Variants in MLLT10 observed in about 807,000 individuals in gnomAD.
MLLT10 encodes MLLT10 histone lysine methyltransferase DOT1L cofactor.
In MLLT10, 30 loss-of-function variants were observed where a neutral mutation model predicts 129.1. The observed-to-expected ratio is 0.23, with a 90% confidence interval of 0.17 to 0.32. The LOEUF is 0.32. Among genes scored for constraint, MLLT10 ranks in the 10% least tolerant of loss-of-function variants. MLLT10 has a pLI of 1.00. For synonymous variants in MLLT10, 490 were observed against 446.4 expected (o/e 1.10, Z -1.23); for missense variants, 1,119 against 1,268.3 (o/e 0.88, Z 1.79).
At chr10:21,716,518 C>A (rs1052542649) in intron 14 of MLLT10, among the ~76,000 whole-genome samples, 9 of 151,956 alleles carry the variant, frequency 5.9e-5, no homozygotes, top group African/African-American at 2.2e-4. Context: ...CATGGCGAAA[C>A]CCTGTCTCTA....
chr10:21,717,619 C>CTTCCTCCTCCTCCTCCTCCTT (rs1452080931), intron 14 of MLLT10, among the ~76,000 whole-genome samples: 10 of 136,302 alleles, frequency 7.3e-5, no homozygotes, highest in African/African-American at 2.5e-4. Flanking sequence ...TCTTCCTCCT[C>CTTCCTCCTCCTCCTCCTCCTT]TTCCTCCTCC....
At chr10:21,696,601 C>T (rs1368165193) in intron 13 of MLLT10, among the ~76,000 whole-genome samples, 2 of 152,108 alleles carry the variant, frequency 1.3e-5, no homozygotes, top group Admixed American at 1.3e-4. Context: ...GAAACATCTT[C>T]TATTTTAATG....
intron 4 of MLLT10, among the ~76,000 whole-genome samples, chr10:21,591,927 G>A (rs1305307920): frequency 2.6e-5 from 4 of 151,958 alleles, no homozygotes; most frequent in African/African-American, 7.3e-5. Context: ...CACTATATTG[G>A]CCAGGCTGGT....
intron 8 of MLLT10, among the ~76,000 whole-genome samples, chr10:21,622,679 C>G (rs1431993174): frequency 1.3e-5 from 2 of 152,168 alleles, no homozygotes; most frequent in Non-Finnish European, 2.9e-5. Flanking sequence ...AAGCATGCTG[C>G]TGTTCTATAA....
chr10:21,704,016 G>GTTTTTTTTTTTTTTTTTTTTT lies in MLLT10; in HGVS notation c.1700-9753_1700-9733dup, dbSNP rs60982595. ...ACATTTTGGATTTCGATTGTTTTTT[G>GTTTTTTTTTTTTTTTTTTTTT]TTTTTTTTTTTTTTTTTTTTTTTGA... is the stretch of plus-strand genomic sequence containing the variant. On this transcript the variant is annotated intron_variant, in intron 13 of 22. Coordinates refer to ENST00000307729, the MANE Select transcript of MLLT10 (RefSeq NM_001195626.3). 1.6e-4 allele frequency among the ~76,000 whole-genome samples: 9 copies of GTTTTTTTTTTTTTTTTTTTTT among 56,634 alleles called. 1 individual carries two copies. Among genetic ancestry groups the GTTTTTTTTTTTTTTTTTTTTT allele is most frequent in the East Asian group, 6.1e-4 (1 of 1,644 alleles). 37.2% of individuals were successfully genotyped at this position (56,634 alleles called of 152,430 possible).
chr10:21,634,100 T>G (rs1173437920), intron 8 of MLLT10, among the ~76,000 whole-genome samples: 1 of 151,988 alleles, frequency 6.6e-6, no homozygotes, highest in Non-Finnish European at 1.5e-5. Context: ...ACTAGCCGAG[T>G]GACGTGGCTC....
chr10:21,628,244 G>C (rs1358405779), intron 8 of MLLT10, among the ~76,000 whole-genome samples: 1 of 152,058 alleles, frequency 6.6e-6, no homozygotes, highest in Non-Finnish European at 1.5e-5. Flanking sequence ...GTAAATCTGT[G>C]TTAGTTAACT....
intron 8 of MLLT10, chr10:21,626,379 A>G: frequency 3.1e-6 from 2 of 635,780 alleles, no homozygotes; most frequent in Non-Finnish European, 5.6e-6. Context: ...CCACCCCCCA[A>G]GTCTATGATT....
At chr10:21,624,934 G>T (rs1390174871) in intron 8 of MLLT10, 3 of 1,311,300 alleles carry the variant, frequency 2.3e-6, no homozygotes, top group East Asian at 4.7e-5. Flanking sequence ...CTTGGAGGTG[G>T]TGCTCCCCTC....
At chr10:21,542,841 A>G (rs2035423135) in intron 3 of MLLT10, among the ~76,000 whole-genome samples, 1 of 152,236 alleles carries the variant, frequency 6.6e-6, no homozygotes, top group Non-Finnish European at 1.5e-5. Context: ...AGCTATAGTC[A>G]CACTACTGCA....
intron 9 of MLLT10, chr10:21,668,958 G>A: frequency 7.5e-7 from 1 of 1,335,886 alleles, no homozygotes; most frequent in Non-Finnish European, 9.8e-7. Flanking sequence ...AGAACCTCAG[G>A]ATCAACTCAA....
intron 14 of MLLT10, 72 bp from the exon 15 acceptor site, chr10:21,726,172 T>TCTATTAGAAGGGAAAA (rs2057495215): frequency 1.0e-6 from 1 of 986,846 alleles, no homozygotes; most frequent in South Asian, 1.8e-5. Flanking sequence ...AATTACTAGA[T>TCTATTAGAAGGGAAAA]CTATTAGAAG....
intron 3 of MLLT10, among the ~76,000 whole-genome samples, chr10:21,543,646 G>C (rs1399165791): frequency 1.3e-5 from 2 of 151,644 alleles, no homozygotes; most frequent in African/African-American, 4.8e-5. Flanking sequence ...GCCCAGCTAA[G>C]TTTTGTATTT....
intron 8 of MLLT10, among the ~76,000 whole-genome samples, chr10:21,633,039 A>G (rs1255880004): frequency 6.6e-6 from 1 of 152,222 alleles, no homozygotes; most frequent in Non-Finnish European, 1.5e-5. Flanking sequence ...AGATGTGTAT[A>G]TGATTGTTCA....
At chr10:21,738,567 A>AT (rs1351377907) in intron 21 of MLLT10, 132 of 1,266,072 alleles carry the variant, frequency 1.0e-4, no homozygotes, top group Non-Finnish European at 1.3e-4. Flanking sequence ...GTAGGTGAGG[A>AT]TTTTTTGGAA....
At chr10:21,570,081 G>C (rs1308596571) in intron 3 of MLLT10, among the ~76,000 whole-genome samples, 1 of 151,796 alleles carries the variant, frequency 6.6e-6, no homozygotes, top group Non-Finnish European at 1.5e-5. Flanking sequence ...AGCTAATTTT[G>C]TATTTTCAGT....
At chr10:21,675,929 A>C (rs1263679092) in intron 11 of MLLT10, among the ~76,000 whole-genome samples, 1 of 152,114 alleles carries the variant, frequency 6.6e-6, no homozygotes, top group African/African-American at 2.4e-5. Context: ...GTTAGGTGTG[A>C]GGAATAGTGT....
At chr10:21,563,739 A>AT (rs2039157386) in intron 3 of MLLT10, among the ~76,000 whole-genome samples, 1 of 151,912 alleles carries the variant, frequency 6.6e-6, no homozygotes, top group Non-Finnish European at 1.5e-5. Flanking sequence ...TCATGTGAGC[A>AT]TAAGTCTTCA....
intron 5 of MLLT10, among the ~76,000 whole-genome samples, chr10:21,601,582 G>A (rs2043536941): frequency 6.6e-6 from 1 of 152,156 alleles, no homozygotes; most frequent in Admixed American, 6.5e-5. Context: ...GTGGAGTGCA[G>A]TGGACAGTTA....
Sources: allele counts gnomAD v4.1 joint callset (sites outside exome capture counted in the v4.1 genomes callset), GRCh38; gene constraint gnomAD v4.1.1; transcripts MANE v1.5; gene names NCBI Gene and HGNC (gene_info 2026-07-23, HGNC 2026-07-21).